Variants in PLCB4 observed in about 807,000 individuals in gnomAD.
The protein encoded by PLCB4 is phospholipase C beta 4, also known as 1-phosphatidylinositol 4,5-bisphosphate phosphodiesterase beta-4.
Under a neutral mutation model 178.8 loss-of-function variants are expected in PLCB4, and 77 were observed. That is an observed-to-expected ratio of 0.43 (90% confidence interval 0.36 to 0.52). The LOEUF (loss-of-function observed/expected upper bound fraction) is 0.52. Among genes scored for constraint, PLCB4 ranks in the 20% least tolerant of loss-of-function variants. PLCB4 has a pLI of 0.00. For synonymous variants in PLCB4, 496 were observed against 490.8 expected (o/e 1.01, Z -0.14); for missense variants, 1,024 against 1,453.4 (o/e 0.70, Z 4.80).
intron 2 of PLCB4, among the ~76,000 whole-genome samples, chr20:9,177,022 G>A (rs574578533): frequency 1.3e-5 from 2 of 152,156 alleles, no homozygotes; most frequent in South Asian, 2.1e-4. Context: ...ATGATGGACT[G>A]GTGGCGAAGA....
intron 4 of PLCB4, among the ~76,000 whole-genome samples, chr20:9,317,171 C>A (rs2094908519): frequency 6.6e-6 from 1 of 152,144 alleles, no homozygotes; most frequent in South Asian, 2.1e-4. Flanking sequence ...AAATGAGTAA[C>A]AAATTGGTTT....
chr20:9,352,923 T>TA (rs2034474499), intron 7 of PLCB4, among the ~76,000 whole-genome samples: 1 of 152,194 alleles, frequency 6.6e-6, no homozygotes, highest in South Asian at 2.1e-4. Flanking sequence ...GAGGGTGATT[T>TA]AAAAATCATA....
At chr20:9,250,702 T>C (rs2094171657) in intron 3 of PLCB4, among the ~76,000 whole-genome samples, 1 of 152,230 alleles carries the variant, frequency 6.6e-6, no homozygotes, top group African/African-American at 2.4e-5. Flanking sequence ...TGGTATGTGA[T>C]GTGTGCAACA....
intron 2 of PLCB4, among the ~76,000 whole-genome samples, chr20:9,108,084 T>G (rs181908698): frequency 2.6e-5 from 4 of 152,244 alleles, no homozygotes; most frequent in Non-Finnish European, 5.9e-5. Context: ...GACTGCATTA[T>G]GAGAGGTTTG....
At chr20:9,154,967 C>CCTTCCTTCCT (rs1175573744) in intron 2 of PLCB4, among the ~76,000 whole-genome samples, 1 of 136,934 alleles carries the variant, frequency 7.3e-6, no homozygotes, top group Non-Finnish European at 1.5e-5. Flanking sequence ...TTCCTTCCTT[C>CCTTCCTTCCT]TGCTTTTGGG....
chr20:9,163,559 A>G (rs2146992871), intron 2 of PLCB4, among the ~76,000 whole-genome samples: 1 of 151,582 alleles, frequency 6.6e-6, no homozygotes, highest in South Asian at 2.1e-4. Context: ...TCCTTTCTAT[A>G]ATTTATGTTT....
chr20:9,399,381 G>A (rs1048340719), intron 19 of PLCB4, among the ~76,000 whole-genome samples: 1 of 152,160 alleles, frequency 6.6e-6, no homozygotes, highest in Non-Finnish European at 1.5e-5. Context: ...TCAACTAGTC[G>A]GCTATAATTA....
chr20:9,122,148 T>A (rs1301091652), intron 2 of PLCB4, among the ~76,000 whole-genome samples: 1 of 152,172 alleles, frequency 6.6e-6, no homozygotes, highest in East Asian at 1.9e-4. Context: ...TTATTGTATT[T>A]AAATATTATC....
chr20:9,187,036 G>A (rs1275116411), intron 2 of PLCB4, among the ~76,000 whole-genome samples: 7 of 152,114 alleles, frequency 4.6e-5, no homozygotes, highest in Admixed American at 2.0e-4. Flanking sequence ...GTGCAGTGGC[G>A]TGATCTCAGC....
chr20:9,132,076 T>C (rs1208421237), intron 2 of PLCB4, among the ~76,000 whole-genome samples: 2 of 152,172 alleles, frequency 1.3e-5, no homozygotes, highest in African/African-American at 4.8e-5. Flanking sequence ...GCCAACTTAA[T>C]GAATTGTGAG....
intron 3 of PLCB4, among the ~76,000 whole-genome samples, chr20:9,275,682 G>C (rs1475407189): frequency 6.6e-6 from 1 of 151,998 alleles, no homozygotes; most frequent in South Asian, 2.1e-4. Flanking sequence ...AACTAATTCT[G>C]TTCTACTGAA....
chr20:9,431,053 GGT>G (rs1221341884), intron 28 of PLCB4, among the ~76,000 whole-genome samples: 1 of 152,200 alleles, frequency 6.6e-6, no homozygotes, highest in Non-Finnish European at 1.5e-5. Flanking sequence ...CAGACTGGGT[GGT>G]TTAAAACAGC....
chr20:9,340,431 T>A (rs2033050145), intron 7 of PLCB4, among the ~76,000 whole-genome samples: 1 of 152,068 alleles, frequency 6.6e-6, no homozygotes, highest in Non-Finnish European at 1.5e-5. Context: ...GTGACTCGGA[T>A]GTGTGGTGAA....
At chr20:9,210,517 C>T (rs6039417) in intron 2 of PLCB4, among the ~76,000 whole-genome samples, 12,299 of 151,906 alleles carry the variant, frequency 0.081, 1,130 homozygotes, top group African/African-American at 0.22. Flanking sequence ...CTCTGGAGGG[C>T]GGGGGCTGTG....
intron 3 of PLCB4, among the ~76,000 whole-genome samples, chr20:9,300,098 A>G (rs2094686274): frequency 6.6e-6 from 1 of 152,144 alleles, no homozygotes; most frequent in African/African-American, 2.4e-5. Context: ...TGATCTGATG[A>G]CAGCTTGTTG....
Position 9,479,121 on chromosome 20 carries a change from G to GA in PLCB4, c.*115dup, listed in dbSNP as rs1345966469. The GA allele has an allele frequency of 1.5e-5, 11 of 741,170 alleles. No individual in the cohort carries two copies. The highest frequency in any genetic ancestry group is 2.4e-5 in the Non-Finnish European group (10 of 424,198). 45.9% of individuals were successfully genotyped at this position (741,170 alleles called of 1,614,324 possible). ...TTTATGTGTAAACAAGATGATATCT[G>GA]AAACCAGAGAGACTTGGAATGTCTG... On this transcript the variant is annotated 3_prime_UTR_variant, in exon 40 of 40. Coordinates refer to ENST00000378473, the MANE Select transcript of PLCB4 (RefSeq NM_001377142.1).
At chr20:9,338,581 G>C (rs1446895228) in intron 6 of PLCB4, among the ~76,000 whole-genome samples, 1 of 151,970 alleles carries the variant, frequency 6.6e-6, no homozygotes, top group Non-Finnish European at 1.5e-5. Flanking sequence ...GGAGGCTGCG[G>C]TGGGAGGATC....
At chr20:9,436,489 C>G (rs1210456798) in intron 29 of PLCB4, among the ~76,000 whole-genome samples, 1 of 152,164 alleles carries the variant, frequency 6.6e-6, no homozygotes, top group Non-Finnish European at 1.5e-5. Context: ...GCAGTTGGGA[C>G]TACAGATGCA....
At chr20:9,408,172 A>T in intron 22 of PLCB4, 114 bp downstream of exon 22, 1 of 839,550 alleles carries the variant, frequency 1.2e-6, no homozygotes. Context: ...GGGCTGTTCC[A>T]CCTCACCTTA....
Sources: gnomAD v4.1 joint callset for allele counts (sites outside exome capture counted in the v4.1 genomes callset) on GRCh38, gnomAD v4.1.1 for gene constraint, MANE v1.5 for transcripts, NCBI Gene and HGNC (gene_info 2026-07-23, HGNC 2026-07-21) for gene names.